Variants in HSD17B14 observed in about 807,000 individuals in gnomAD.
The protein encoded by HSD17B14 is hydroxysteroid 17-beta dehydrogenase 14, also known as L-fucose dehydrogenase.
In HSD17B14, 32 loss-of-function variants were observed where a neutral mutation model predicts 32.2. That is an observed-to-expected ratio of 0.99 (90% confidence interval 0.75 to 1.33). The LOEUF is 1.33. Ranked by LOEUF, HSD17B14 falls within the 40% of genes most tolerant of loss-of-function variation. The pLI is 0.00. For missense variants in HSD17B14, 370 were observed against 366.5 expected, an observed-to-expected ratio of 1.01 and a Z score of -0.08; for synonymous variants, 140 against 155.4, an observed-to-expected ratio of 0.90 and a Z score of 0.74.
chr19:48,815,674 C>A (rs929952018), intron 5 of HSD17B14, among the ~76,000 whole-genome samples: 3 of 151,994 alleles, frequency 2.0e-5, no homozygotes, highest in African/African-American at 7.2e-5. Context: ...TCACACCCAG[C>A]CAGGAAGTTC....
At chr19:48,835,897 C>T in intron 1 of HSD17B14, 54 bp from the exon 2 acceptor site, 2 of 1,575,238 alleles carry the variant, frequency 1.3e-6, no homozygotes, top group Admixed American at 1.7e-5. Context: ...AAGCCTCTGC[C>T]GCCCTCTTGT....
rs758061335 is a variant in HSD17B14 at position 48,817,002 on chromosome 19, A to AT, written c.370-1862dup. On this transcript the variant is annotated intron_variant, in intron 5 of 8. Coordinates refer to ENST00000263278, the MANE Select transcript of HSD17B14 (RefSeq NM_016246.3). ...AGGCATGTGCCCCCACACCAGGATA[A>AT]TTTTTTTTTTTTTTTTTTTTTTTTA... Among the ~76,000 whole-genome samples the AT allele has an allele frequency of 4.5e-3, 441 of 97,550 alleles. 4 individuals carry two copies. The highest frequency in any genetic ancestry group is 0.022 in the East Asian group (83 of 3,812). 64.0% of individuals were successfully genotyped at this position (97,550 alleles called of 152,430 possible). A position where few individuals can be genotyped will look rare whatever the true frequency, so the allele number is the denominator to read the frequency against.
At chr19:48,827,045 C>G (rs2035262838) in intron 5 of HSD17B14, among the ~76,000 whole-genome samples, 1 of 143,324 alleles carries the variant, frequency 7.0e-6, no homozygotes, top group Non-Finnish European at 1.5e-5. Flanking sequence ...TAAAACCCCA[C>G]TTTTTTTTTT....
chr19:48,822,416 GTGATGATGGTGA>G (rs2122763378), intron 5 of HSD17B14, among the ~76,000 whole-genome samples: 1 of 149,196 alleles, frequency 6.7e-6, no homozygotes, highest in Admixed American at 6.7e-5. Flanking sequence ...AATGATGGTG[GTGATGATGGTGA>G]TGGTAATTGT....
chr19:48,814,864 A>T (rs934784462), intron 6 of HSD17B14, among the ~76,000 whole-genome samples, 173 bp downstream of exon 6: 1 of 151,840 alleles, frequency 6.6e-6, no homozygotes, highest in Non-Finnish European at 1.5e-5. Flanking sequence ...AAAAGAAAAG[A>T]AAAAACAGAA....
At chr19:48,834,222 A>T in intron 3 of HSD17B14, 54 bp downstream of exon 3, 1 of 1,431,286 alleles carries the variant, frequency 7.0e-7, no homozygotes, top group Non-Finnish European at 9.8e-7. Flanking sequence ...GCTGGAGGAG[A>T]ACAAAGAACT....
At chr19:48,825,470 G>C (rs566782101) in intron 5 of HSD17B14, among the ~76,000 whole-genome samples, 1 of 151,828 alleles carries the variant, frequency 6.6e-6, no homozygotes, top group South Asian at 2.1e-4. Flanking sequence ...ACCCTATCTG[G>C]CTAATTTTGT....
intron 6 of HSD17B14, 94 bp downstream of exon 6, chr19:48,814,943 A>C (rs904031248): frequency 3.4e-6 from 3 of 883,648 alleles, no homozygotes; most frequent in Non-Finnish European, 5.6e-6. Flanking sequence ...TAGGGCCAAG[A>C]TCTTGCTAGG....
Position 48,831,692 on chromosome 19 carries a change from T to G in HSD17B14, c.345A>C (p.Leu115=). 1 of 1,613,478 alleles carries G rather than the reference T, an allele frequency of 6.2e-7. No individual in the cohort carries two copies. Among genetic ancestry groups the G allele is most frequent in the Middle Eastern group, 1.7e-4 (1 of 6,060 alleles). The change falls in exon 5 of 9, where the codon CTA becomes CTC. Residue 115 remains leucine (L), a synonymous_variant. Coordinates refer to ENST00000263278, the MANE Select transcript of HSD17B14 (RefSeq NM_016246.3). ...QGFRQLLELN[L]LGTYTLTKLA... ...CCTTGGTCAAGGTGTACGTCCCCAG[T>G]AGGTTCAGCTCCAGCAGCTGGCGGA...
chr19:48,820,878 T>A (rs914546775), intron 5 of HSD17B14, among the ~76,000 whole-genome samples: 8 of 151,150 alleles, frequency 5.3e-5, no homozygotes, highest in African/African-American at 7.3e-5. Flanking sequence ...TAAAAAAAAA[T>A]AAATAAGTAG....
intron 3 of HSD17B14, among the ~76,000 whole-genome samples, chr19:48,833,250 A>G (rs2035377112): frequency 6.6e-6 from 1 of 151,204 alleles, no homozygotes; most frequent in Non-Finnish European, 1.5e-5. Context: ...GCCACACTGC[A>G]GTCGTCACAC....
intron 2 of HSD17B14, among the ~76,000 whole-genome samples, chr19:48,835,568 T>G (rs1371419388): frequency 8.7e-6 from 1 of 115,032 alleles, no homozygotes; most frequent in Admixed American, 8.8e-5. Context: ...AGCCTGGACT[T>G]CTGGGTCTGA....
At chr19:48,819,051 C>T (rs1294124220) in intron 5 of HSD17B14, among the ~76,000 whole-genome samples, 3 of 152,150 alleles carry the variant, frequency 2.0e-5, no homozygotes, top group African/African-American at 2.4e-5. Context: ...TGCAGTGGCA[C>T]GATCTCGGCT....
intron 5 of HSD17B14, among the ~76,000 whole-genome samples, chr19:48,827,082 G>A (rs941488488): frequency 6.7e-6 from 1 of 149,414 alleles, no homozygotes; most frequent in Non-Finnish European, 1.5e-5. Flanking sequence ...TCGCTCTGTC[G>A]CCCAGGCTGG....
intron 5 of HSD17B14, among the ~76,000 whole-genome samples, chr19:48,825,460 A>T (rs911251152): frequency 3.3e-5 from 5 of 151,670 alleles, no homozygotes; most frequent in Non-Finnish European, 7.4e-5. Context: ...GATGTGTGCC[A>T]CCCTATCTGG....
chr19:48,813,655 C>G lies in HSD17B14; in HGVS notation c.542+8G>C. 6.2e-7 allele frequency: 1 copy of G among 1,614,180 alleles called. No homozygotes were observed. Among genetic ancestry groups the G allele is most frequent in the Non-Finnish European group, 8.5e-7 (1 of 1,180,018 alleles). ...CAGGAGGCTCTCCGCCTGCTCAGAG[C>G]AGCTCACCAGTTGACTCGGACACCA... On this transcript the variant is annotated splice_region_variant and intron_variant, in intron 7 of 8. Coordinates refer to ENST00000263278, the MANE Select transcript of HSD17B14 (RefSeq NM_016246.3).
At chr19:48,829,545 T>C (rs1008735202) in intron 5 of HSD17B14, among the ~76,000 whole-genome samples, 3 of 150,966 alleles carry the variant, frequency 2.0e-5, no homozygotes, top group African/African-American at 7.3e-5. Flanking sequence ...AGAGATGGGG[T>C]TTCACCATGT....
At chr19:48,814,121 T>A (rs1447176487) in intron 6 of HSD17B14, among the ~76,000 whole-genome samples, 1 of 148,578 alleles carries the variant, frequency 6.7e-6, no homozygotes, top group Non-Finnish European at 1.5e-5. Context: ...CTTGAACCCA[T>A]GAGGCAGGGG....
At chr19:48,821,941 G>C (rs369914541) in intron 5 of HSD17B14, among the ~76,000 whole-genome samples, 3 of 13,132 alleles carry the variant, frequency 2.3e-4, no homozygotes, top group African/African-American at 7.9e-4. Flanking sequence ...GGATGGTGAC[G>C]TGGTAATGAT....
Sources: allele counts gnomAD v4.1 joint callset (sites outside exome capture counted in the v4.1 genomes callset), GRCh38; gene constraint gnomAD v4.1.1; transcripts MANE v1.5; gene names NCBI Gene and HGNC (gene_info 2026-07-23, HGNC 2026-07-21).